MARK3: variants seen among roughly 807,000 people sequenced by gnomAD.
MARK3 encodes the protein MAP/microtubule affinity-regulating kinase 3.
In MARK3, 46 loss-of-function variants were observed where a neutral mutation model predicts 90.1. The ratio of observed to expected loss-of-function variants is 0.51; its 90% CI spans 0.40 to 0.65. The LOEUF (loss-of-function observed/expected upper bound fraction) is 0.65. Among genes scored for constraint, MARK3 ranks in the 30% least tolerant of loss-of-function variants. MARK3 has a pLI of 0.00. For missense variants in MARK3, 818 were observed against 947.2 expected, an observed-to-expected ratio of 0.86 and a Z score of 1.79; for synonymous variants, 321 against 332.6, an observed-to-expected ratio of 0.97 and a Z score of 0.38.
chr14:103,458,924 C>T lies in MARK3; in HGVS notation c.483+1712C>T, dbSNP rs183059512. 7.1e-4 allele frequency: 312 copies of T among 442,314 alleles called. 2 individuals carry two copies. Among genetic ancestry groups the T allele is most frequent in the Middle Eastern group, 5.8e-3 (10 of 1,734 alleles). 27.4% of individuals were successfully genotyped at this position (442,314 alleles called of 1,614,324 possible). A position where few individuals can be genotyped will look rare whatever the true frequency, so the allele number is the denominator to read the frequency against. ...AAAATCAGCTTTGGCTATCATTTAA[C>T]TTCTCTGATCCTGTTTTTAAAGCTA... On this transcript the variant is annotated intron_variant, in intron 6 of 17. Coordinates refer to ENST00000429436, the MANE Select transcript of MARK3 (RefSeq NM_001128918.3).
chr14:103,444,309 CTT>C lies in MARK3; in HGVS notation c.298-4609_298-4608del, dbSNP rs553138203. ...TGCCTTCAAAGGTATTTATTCTCCTCTTGTGTGCCAGTTCCATAGAGGATGTA... is the reference window on the plus strand; with the variant it reads ...TGCCTTCAAAGGTATTTATTCTCCTCGTGTGCCAGTTCCATAGAGGATGTA... On this transcript the variant is annotated intron_variant, in intron 3 of 17. Coordinates refer to ENST00000429436, the MANE Select transcript of MARK3 (RefSeq NM_001128918.3). Among the ~76,000 whole-genome samples the C allele has an allele frequency of 7.2e-5, 11 of 152,146 alleles. No individual in the cohort carries two copies. In the South Asian group the frequency reaches 2.3e-3, roughly 32 times the overall value.
At chr14:103,465,119 C>T (rs1277579042) in intron 7 of MARK3, among the ~76,000 whole-genome samples, 1 of 152,138 alleles carries the variant, frequency 6.6e-6, no homozygotes, top group African/African-American at 2.4e-5. Flanking sequence ...AGGTGTGTAC[C>T]ACCACACCCA....
chr14:103,502,815 C>T, intron 17 of MARK3, 67 bp from the exon 18 acceptor site: 1 of 1,271,614 alleles, frequency 7.9e-7, no homozygotes, highest in South Asian at 1.4e-5. Flanking sequence ...GAATGAGGAA[C>T]TAGCTGAAGT....
chr14:103,394,543 G>A (rs1307044820), intron 1 of MARK3, among the ~76,000 whole-genome samples: 2 of 152,182 alleles, frequency 1.3e-5, no homozygotes, highest in African/African-American at 4.8e-5. Context: ...ACTTCTGTGT[G>A]CACTAGATAA....
At chr14:103,393,958 T>G (rs2090427121) in intron 1 of MARK3, among the ~76,000 whole-genome samples, 1 of 152,226 alleles carries the variant, frequency 6.6e-6, no homozygotes, top group South Asian at 2.1e-4. Context: ...GGTCTCAAAC[T>G]CCTCACCTTG....
intron 3 of MARK3, among the ~76,000 whole-genome samples, chr14:103,429,823 A>C (rs1449092860): frequency 6.6e-6 from 1 of 152,160 alleles, no homozygotes; most frequent in African/African-American, 2.4e-5. Context: ...TGAGGACTCT[A>C]ATTGAGTATT....
rs541189058 is a variant in MARK3 at position 103,420,057 on chromosome 14, T to C, written c.244-8330T>C. On this transcript the variant is annotated intron_variant, in intron 2 of 17. Coordinates refer to ENST00000429436, the MANE Select transcript of MARK3 (RefSeq NM_001128918.3). ...TGAAAGAAAGCCTTGGTGTAAGATA[T>C]AATTTATATATTCCATATAAGATAT... Among the ~76,000 whole-genome samples, 6 of 152,188 alleles carry C rather than the reference T, an allele frequency of 3.9e-5. No individual in the cohort carries two copies. The South Asian group carries it at 1.2e-3, about 32-fold the overall frequency.
At chr14:103,495,509 G>C (rs891936916) in intron 15 of MARK3, among the ~76,000 whole-genome samples, 2 of 151,838 alleles carry the variant, frequency 1.3e-5, no homozygotes, top group Non-Finnish European at 2.9e-5. Flanking sequence ...GGCTGAGCCA[G>C]GTCTATCTGA....
chr14:103,397,679 G>A (rs2090673254), intron 1 of MARK3, among the ~76,000 whole-genome samples: 1 of 152,048 alleles, frequency 6.6e-6, no homozygotes, highest in Non-Finnish European at 1.5e-5. Flanking sequence ...TTATTCTAAG[G>A]ATTAGACAAG....
chr14:103,458,527 C>A (rs1454324508), intron 6 of MARK3, among the ~76,000 whole-genome samples: 6 of 138,126 alleles, frequency 4.3e-5, no homozygotes, highest in African/African-American at 7.9e-5. Context: ...TGTGTTCCAA[C>A]AAAACTTTAT....
At chr14:103,445,934 C>T (rs1231421656) in intron 3 of MARK3, among the ~76,000 whole-genome samples, 5 of 152,136 alleles carry the variant, frequency 3.3e-5, no homozygotes, top group South Asian at 2.1e-4. Context: ...TGGCTCAGAC[C>T]GCAGTTGTTG....
intron 1 of MARK3, among the ~76,000 whole-genome samples, chr14:103,398,274 A>G (rs2090716529): frequency 6.6e-6 from 1 of 152,214 alleles, no homozygotes; most frequent in Admixed American, 6.5e-5. Context: ...TTGTTCTTCT[A>G]GATGGCTGCT....
intron 2 of MARK3, among the ~76,000 whole-genome samples, chr14:103,416,103 G>GT (rs1183560223): frequency 2.6e-5 from 4 of 152,158 alleles, no homozygotes; most frequent in Non-Finnish European, 5.9e-5. Context: ...ATTAATAGTT[G>GT]TTTCTTTTTC....
chr14:103,453,390 A>G (rs1213300353), intron 5 of MARK3, among the ~76,000 whole-genome samples: 3 of 152,184 alleles, frequency 2.0e-5, no homozygotes, highest in Admixed American at 6.5e-5. Context: ...GTTAAACTCT[A>G]TCGTAATTTT....
At chr14:103,412,574 C>T (rs987612288) in intron 2 of MARK3, 5 of 691,938 alleles carry the variant, frequency 7.2e-6, no homozygotes, top group South Asian at 4.5e-5. Context: ...CCAGGACCCA[C>T]ACTTGGGACA....
intron 12 of MARK3, among the ~76,000 whole-genome samples, chr14:103,471,920 C>G: frequency 6.6e-6 from 1 of 152,080 alleles, no homozygotes; most frequent in South Asian, 2.1e-4. Flanking sequence ...AGTTAAGATA[C>G]AAATATAGGG....
chr14:103,436,839 C>A (rs2092727555), intron 3 of MARK3, among the ~76,000 whole-genome samples: 1 of 152,170 alleles, frequency 6.6e-6, no homozygotes, highest in Non-Finnish European at 1.5e-5. Flanking sequence ...CCTGTAATCC[C>A]AGCACTTTGG....
At chr14:103,497,562 C>T (rs1318484684) in intron 15 of MARK3, among the ~76,000 whole-genome samples, 2 of 152,126 alleles carry the variant, frequency 1.3e-5, no homozygotes, top group African/African-American at 2.4e-5. Context: ...TAGAATTCTT[C>T]GTGTTTACTA....
intron 4 of MARK3, among the ~76,000 whole-genome samples, chr14:103,449,439 T>C (rs2093077313): frequency 7.0e-6 from 1 of 142,098 alleles, no homozygotes; most frequent in South Asian, 2.2e-4. Context: ...AAAGTAATAA[T>C]AATAATAAAC....
Sources: gnomAD v4.1 joint callset for allele counts (sites outside exome capture counted in the v4.1 genomes callset) on GRCh38, gnomAD v4.1.1 for gene constraint, MANE v1.5 for transcripts, NCBI Gene and HGNC (gene_info 2026-07-23, HGNC 2026-07-21) for gene names.